The following DGKB variants were observed in gnomAD, a reference collection of about 807,000 sequenced individuals.
DGKB encodes the protein 90 kDa diacylglycerol kinase.
In DGKB, 67 loss-of-function variants were observed where a neutral mutation model predicts 114.3. The observed-to-expected ratio is 0.59, with a 90% CI of 0.48 to 0.72. The LOEUF is 0.72. Among genes scored for constraint, DGKB ranks in the 30% least tolerant of loss-of-function variants. The pLI, the probability that DGKB is intolerant of heterozygous loss-of-function variation, is 0.00. For missense variants in DGKB, 907 were observed against 975.2 expected (o/e 0.93, Z 0.93); for synonymous variants, 398 against 323.1 (o/e 1.23, Z -2.49).
At chr7:14,754,333 A>T (rs1834555396) in intron 3 of DGKB, among the ~76,000 whole-genome samples, 1 of 152,206 alleles carries the variant, frequency 6.6e-6, no homozygotes, top group African/African-American at 2.4e-5. Context: ...TATAATATGT[A>T]ACACATACAG....
chr7:14,340,996 T>A (rs930711775), intron 22 of DGKB, among the ~76,000 whole-genome samples: 8 of 151,182 alleles, frequency 5.3e-5, no homozygotes, highest in African/African-American at 1.9e-4. Flanking sequence ...TCTTTTTTTT[T>A]TAAAAAAAAG....
intron 5 of DGKB, among the ~76,000 whole-genome samples, chr7:14,731,191 G>A (rs1434426516): frequency 6.6e-6 from 1 of 152,122 alleles, no homozygotes; most frequent in Non-Finnish European, 1.5e-5. Flanking sequence ...TAGAAGGTAG[G>A]AATAGTAGCA....
At chr7:14,250,118 C>A (rs1795010085) in intron 23 of DGKB, among the ~76,000 whole-genome samples, 1 of 139,916 alleles carries the variant, frequency 7.1e-6, no homozygotes, top group Admixed American at 7.1e-5. Flanking sequence ...CCACACTTGG[C>A]TATATATATA....
chr7:14,304,083 A>T (rs199518304), intron 23 of DGKB, among the ~76,000 whole-genome samples: 136 of 39,178 alleles, frequency 3.5e-3, no homozygotes, highest in Admixed American at 7.4e-3. Context: ...ACACACACAC[A>T]CACACTCTCT....
chr7:14,657,300 CA>C (rs34356601), intron 13 of DGKB, among the ~76,000 whole-genome samples: 68,708 of 151,414 alleles, frequency 0.45, 16,824 homozygotes, highest in Non-Finnish European at 0.55. Context: ...AAATAAAAGG[CA>C]GCTATCCTTT....
At chr7:14,716,651 A>G (rs1362695184) in intron 6 of DGKB, among the ~76,000 whole-genome samples, 1 of 152,184 alleles carries the variant, frequency 6.6e-6, no homozygotes, top group East Asian at 1.9e-4. Flanking sequence ...TACATATGCA[A>G]TTTTAGAAGG....
intron 23 of DGKB, among the ~76,000 whole-genome samples, chr7:14,232,513 C>T (rs1792068506): frequency 6.6e-6 from 1 of 151,722 alleles, no homozygotes; most frequent in Admixed American, 6.6e-5. Context: ...GGAAGAATCT[C>T]ATGGCACTAT....
rs1447218295 is a variant in DGKB, at chr7:14,689,212, T to A, written c.712-3850A>T. 5.8e-3 allele frequency among the ~76,000 whole-genome samples: 753 copies of A among 130,580 alleles called. 20 individuals are homozygous for A. The highest frequency in any genetic ancestry group is 0.019 in the African/African-American group (722 of 37,718). The allele number at this position is 130,580 out of a possible 152,430, so 85.7% of individuals were successfully genotyped here. A position where few individuals can be genotyped will look rare whatever the true frequency, so the allele number is the denominator to read the frequency against. On this transcript the variant is annotated intron_variant, in intron 9 of 25. Coordinates refer to ENST00000402815, the MANE Select transcript of DGKB (RefSeq NM_001350709.2). Reference sequence around the variant, plus strand: ...GAAACTCCTCTTATTTTTTTTTTTTTTTTTTTTTTTTTGAGAGGAGTCTCG... The same window carrying A: ...GAAACTCCTCTTATTTTTTTTTTTTATTTTTTTTTTTTGAGAGGAGTCTCG...
At chr7:14,436,591 C>T (rs1018779719) in intron 21 of DGKB, among the ~76,000 whole-genome samples, 2 of 152,102 alleles carry the variant, frequency 1.3e-5, no homozygotes, top group Non-Finnish European at 2.9e-5. Flanking sequence ...GATCAACACC[C>T]TTCTTTCCAA....
At chr7:14,526,586 G>A (rs576839765) in intron 20 of DGKB, among the ~76,000 whole-genome samples, 2 of 152,206 alleles carry the variant, frequency 1.3e-5, no homozygotes, top group Admixed American at 6.6e-5. Flanking sequence ...ACACCTTTAA[G>A]AGTAAATATT....
intron 13 of DGKB, among the ~76,000 whole-genome samples, chr7:14,632,568 T>G (rs1043082490): frequency 9.2e-5 from 14 of 151,902 alleles, no homozygotes; most frequent in African/African-American, 3.1e-4. Flanking sequence ...CTTCATTATA[T>G]CCTTTAACGC....
intron 2 of DGKB, among the ~76,000 whole-genome samples, chr7:14,831,797 G>A (rs185353305): frequency 6.6e-6 from 1 of 152,082 alleles, no homozygotes; most frequent in African/African-American, 2.4e-5. Context: ...ATGCCTTTTT[G>A]AGTATCAGAA....
chr7:14,488,348 C>T (rs910121454), intron 20 of DGKB, among the ~76,000 whole-genome samples: 3 of 152,238 alleles, frequency 2.0e-5, no homozygotes, highest in African/African-American at 7.2e-5. Flanking sequence ...TAACTGTAAG[C>T]TTCAGAAACA....
intron 25 of DGKB, among the ~76,000 whole-genome samples, chr7:14,170,362 A>G (rs1402436373): frequency 6.6e-6 from 1 of 152,080 alleles, no homozygotes; most frequent in Non-Finnish European, 1.5e-5. Context: ...TAATATGGGG[A>G]TTATAATAAC....
chr7:14,382,660 T>C (rs185353310), intron 21 of DGKB, among the ~76,000 whole-genome samples: 10 of 152,290 alleles, frequency 6.6e-5, no homozygotes, highest in East Asian at 1.9e-4. Flanking sequence ...GAGAACCCAA[T>C]AGGTAACTTT....
chr7:14,148,325 G>A lies in DGKB; in HGVS notation c.*806C>T, dbSNP rs1781702202. ...AAGCATTGTTTTCTGAATCTTTGGT[G>A]GGAAACACATTGATTAGGCACATAG... On this transcript the variant is annotated 3_prime_UTR_variant, in exon 26 of 26. Coordinates refer to ENST00000402815, the MANE Select transcript of DGKB (RefSeq NM_001350709.2). 1 of 152,482 alleles carries A rather than the reference G, an allele frequency of 6.6e-6. No individual in the cohort carries two copies. Among genetic ancestry groups the A allele is most frequent in the South Asian group, 2.1e-4 (1 of 4,832 alleles). The allele number at this position is 152,482 out of a possible 1,614,324, so 9.4% of individuals were successfully genotyped here. A position where few individuals can be genotyped will look rare whatever the true frequency, so the allele number is the denominator to read the frequency against.
rs1038492174 is a variant in DGKB, at chr7:14,163,845, A to T, written c.2304+12994T>A. On this transcript the variant is annotated intron_variant, in intron 25 of 25. Transcript: ENST00000402815. ...CCCTGTCTCTACTAAAAATACAAAG[A>T]TTAGCTGGGTGCGGCGGCAGGTGCC... Among the ~76,000 whole-genome samples the T allele has an allele frequency of 3.9e-5, 6 of 152,080 alleles. 1 individual carries two copies. Among genetic ancestry groups the T allele is most frequent in the Non-Finnish European group, 8.8e-5 (6 of 68,010 alleles).
chr7:14,831,933 T>C (rs984849311), intron 2 of DGKB, among the ~76,000 whole-genome samples: 2 of 150,906 alleles, frequency 1.3e-5, no homozygotes, highest in African/African-American at 4.9e-5. Context: ...CAAAGCAAAT[T>C]GCAAAATTCA....
intron 2 of DGKB, among the ~76,000 whole-genome samples, chr7:14,780,121 A>T (rs1838845005): frequency 6.6e-6 from 1 of 152,170 alleles, no homozygotes; most frequent in Non-Finnish European, 1.5e-5. Context: ...TGCCTTCTGC[A>T]TGCTTTCTCT....
Sources: allele counts gnomAD v4.1 joint callset (sites outside exome capture counted in the v4.1 genomes callset), GRCh38; gene constraint gnomAD v4.1.1; transcripts MANE v1.5; gene names NCBI Gene and HGNC (gene_info 2026-07-23, HGNC 2026-07-21).